Variants in NKAIN3 observed in about 807,000 individuals in gnomAD.
The protein encoded by NKAIN3 is sodium/potassium-transporting ATPase subunit beta-1-interacting protein 3.
A neutral mutation model predicts 30.2 loss-of-function variants in NKAIN3; 25 were observed. The observed-to-expected ratio is 0.83, with a 90% confidence interval of 0.60 to 1.16. The LOEUF is 1.16. Ranked by LOEUF, NKAIN3 falls within the 50% of genes most tolerant of loss-of-function variation. The pLI, the probability that NKAIN3 is intolerant of heterozygous loss-of-function variation, is 0.00. For missense variants in NKAIN3, 225 were observed against 254.1 expected, an observed-to-expected ratio of 0.89 and a Z score of 0.78; for synonymous variants, 91 against 89.6, an observed-to-expected ratio of 1.02 and a Z score of -0.09.
In NKAIN3 at chr8:62,589,778, T is replaced by C. The variant is rs149022464; in HGVS notation, c.257T>C (p.Val86Ala). Residue 86 changes from valine (V) to alanine (A), a missense_variant, in exon 3 of 7, where the codon GTA becomes GCA. Transcript: ENST00000623646. ...TTCATTATCTGCTTTTATTTGGAAG[T>C]AGGTGGACTCTCAAAGGTGAGTTTA... ...NVFIICFYLEVGGLSKDTDLM... is the reference protein window; with the variant it reads ...NVFIICFYLEAGGLSKDTDLM... 1.2e-3 allele frequency: 1,974 copies of C among 1,600,238 alleles called. 41 individuals are homozygous for C. In the East Asian group the frequency reaches 0.035, roughly 28 times the overall value.
chr8:62,795,018 A>G (rs1330417721), intron 4 of NKAIN3, among the ~76,000 whole-genome samples: 2 of 152,094 alleles, frequency 1.3e-5, no homozygotes, highest in Non-Finnish European at 2.9e-5. Context: ...AGTGACCACA[A>G]TTTGACTTAA....
chr8:62,734,231 C>G (rs183874992), intron 3 of NKAIN3, among the ~76,000 whole-genome samples: 2 of 152,140 alleles, frequency 1.3e-5, no homozygotes, highest in African/African-American at 4.8e-5. Context: ...TGCAGTGAAC[C>G]GAGACTGAGC....
chr8:62,674,468 C>T (rs1192609482), intron 3 of NKAIN3, among the ~76,000 whole-genome samples: 1 of 152,202 alleles, frequency 6.6e-6, no homozygotes, highest in Non-Finnish European at 1.5e-5. Flanking sequence ...GTGCCCAGAA[C>T]TGCCACAATT....
chr8:62,947,866 C>T (rs527993092), intron 5 of NKAIN3, among the ~76,000 whole-genome samples: 3 of 152,378 alleles, frequency 2.0e-5, no homozygotes, highest in African/African-American at 7.2e-5. Flanking sequence ...GCTGCTCCTG[C>T]AGCCTCCCGT....
intron 1 of NKAIN3, among the ~76,000 whole-genome samples, chr8:62,504,068 C>G (rs541595412): frequency 1.4e-4 from 22 of 152,322 alleles, no homozygotes; most frequent in African/African-American, 5.3e-4. Flanking sequence ...GCCAGCCGGT[C>G]CCTCCATCCG....
At chr8:62,674,048 A>G (rs1813394764) in intron 3 of NKAIN3, among the ~76,000 whole-genome samples, 2 of 152,148 alleles carry the variant, frequency 1.3e-5, no homozygotes, top group African/African-American at 4.8e-5. Flanking sequence ...TATTTATGAA[A>G]AGCTCTCGAT....
chr8:62,785,531 G>A (rs1452463692), intron 4 of NKAIN3, among the ~76,000 whole-genome samples: 1 of 152,052 alleles, frequency 6.6e-6, no homozygotes, highest in Non-Finnish European at 1.5e-5. Context: ...GCACAGCTCC[G>A]TGGATATACT....
intron 5 of NKAIN3, among the ~76,000 whole-genome samples, chr8:62,991,543 C>T (rs1824320644): frequency 6.6e-6 from 1 of 152,200 alleles, no homozygotes; most frequent in Non-Finnish European, 1.5e-5. Context: ...AATAATCTGA[C>T]ATTAGTCAAT....
At position 62,538,421 on chromosome 8, in the gene NKAIN3, C is replaced by G. The variant is rs186702164; in HGVS notation, c.55-41118C>G. On this transcript the variant is annotated intron_variant, in intron 1 of 6. Transcript: ENST00000623646. ...AGCTCCTGAGCTCAAGCAATTCCCC[C>G]ACCTCGGCCTCCCAAAGTGCTGGGA... Among the ~76,000 whole-genome samples the G allele has an allele frequency of 8.4e-4, 128 of 152,256 alleles. No individual in the cohort carries two copies. The East Asian group carries it at 0.018, about 22-fold the overall frequency.
intron 3 of NKAIN3, among the ~76,000 whole-genome samples, chr8:62,730,971 G>T (rs1209237469): frequency 1.3e-5 from 2 of 152,108 alleles, no homozygotes. Flanking sequence ...TTACAACTTT[G>T]GGCAATGATA....
intron 4 of NKAIN3, among the ~76,000 whole-genome samples, chr8:62,887,208 T>C (rs1240448912): frequency 6.6e-6 from 1 of 152,226 alleles, no homozygotes; most frequent in African/African-American, 2.4e-5. Context: ...TGTAATTCTT[T>C]TCTCCTCTGT....
intron 4 of NKAIN3, among the ~76,000 whole-genome samples, chr8:62,844,434 T>G (rs772243207): frequency 6.6e-6 from 1 of 152,180 alleles, no homozygotes; most frequent in African/African-American, 2.4e-5. Context: ...TTCAGAAAAT[T>G]TCAGATTAAC....
In NKAIN3 at chr8:62,964,870, C is replaced by G. The variant is rs140489794; in HGVS notation, c.604-484C>G. Among the ~76,000 whole-genome samples, 722 of 152,134 alleles carry G rather than the reference C, an allele frequency of 4.7e-3. 2 individuals are homozygous for G. The highest frequency in any genetic ancestry group is 5.8e-3 in the Non-Finnish European group (394 of 68,002). Reference sequence around the variant, plus strand: ...TGAAGTTTTACCAAACATCTGGACACCATGGCCTGGCCATGCTGACACATA... The same window carrying G: ...TGAAGTTTTACCAAACATCTGGACAGCATGGCCTGGCCATGCTGACACATA... On this transcript the variant is annotated intron_variant, in intron 6 of 6. Transcript: ENST00000623646.
chr8:62,454,463 A>G (rs1267685206), intron 1 of NKAIN3, among the ~76,000 whole-genome samples: 2 of 152,102 alleles, frequency 1.3e-5, no homozygotes, highest in Non-Finnish European at 1.5e-5. Context: ...GGTTTTCACA[A>G]AGATTCAGAG....
chr8:62,864,034 G>A (rs1413434862), intron 4 of NKAIN3: 4 of 707,094 alleles, frequency 5.7e-6, no homozygotes, highest in South Asian at 4.6e-5. Flanking sequence ...CTCTCTTTTC[G>A]GCCTCCGCTT....
Position 62,967,424 on chromosome 8 carries a change from C to T in NKAIN3, c.*2017C>T, listed in dbSNP as rs527815875. 1.8e-3 allele frequency among the ~76,000 whole-genome samples: 275 copies of T among 152,148 alleles called. No individual in the cohort carries two copies. Among genetic ancestry groups the T allele is most frequent in the Admixed American group, 3.5e-3 (53 of 15,280 alleles). ...AAAATGTAAAAAAATTCTCAGTACA[C>T]AGTGAAGCACTCCACAATTAAAGGA... is the stretch of plus-strand genomic sequence containing the variant. On this transcript the variant is annotated 3_prime_UTR_variant, in exon 7 of 7. Coordinates refer to ENST00000623646, the MANE Select transcript of NKAIN3 (RefSeq NM_001304533.3).
At chr8:62,802,003 G>A (rs1818081517) in intron 4 of NKAIN3, among the ~76,000 whole-genome samples, 1 of 152,170 alleles carries the variant, frequency 6.6e-6, no homozygotes, top group Admixed American at 6.5e-5. Flanking sequence ...GTGATCAACT[G>A]GAAGAAAGGG....
intron 3 of NKAIN3, among the ~76,000 whole-genome samples, chr8:62,699,026 G>T (rs968613894): frequency 5.3e-5 from 8 of 152,112 alleles, no homozygotes. Context: ...TTCTTCATCT[G>T]CTAACCCTAT....
At chr8:62,607,610 G>C (rs914404311) in intron 3 of NKAIN3, among the ~76,000 whole-genome samples, 3 of 152,056 alleles carry the variant, frequency 2.0e-5, no homozygotes, top group African/African-American at 4.8e-5. Flanking sequence ...AATGATTAAA[G>C]GGAAATCCAC....
Sources: gnomAD v4.1 joint callset for allele counts (sites outside exome capture counted in the v4.1 genomes callset) on GRCh38, gnomAD v4.1.1 for gene constraint, MANE v1.5 for transcripts, NCBI Gene and HGNC (gene_info 2026-07-23, HGNC 2026-07-21) for gene names.